ATP2B2: variants seen among roughly 807,000 people sequenced by gnomAD.
The protein encoded by ATP2B2 is plasma membrane calcium-transporting ATPase 2.
In ATP2B2, 15 loss-of-function variants were observed where a neutral mutation model predicts 120.0. The observed-to-expected ratio is 0.12, with a 90% confidence interval of 0.08 to 0.19. ATP2B2 has a LOEUF of 0.19. Among genes scored for constraint, ATP2B2 ranks in the 10% least tolerant of loss-of-function variants. The pLI, the probability that ATP2B2 is intolerant of heterozygous loss-of-function variation, is 1.00. For missense variants in ATP2B2, 1,045 were observed against 1,719.8 expected, an observed-to-expected ratio of 0.61 and a Z score of 6.94; for synonymous variants, 694 against 700.3, an observed-to-expected ratio of 0.99 and a Z score of 0.14.
upstream of ATP2B2, among the ~76,000 whole-genome samples, chr3:10,506,463 C>G (rs1293118656): frequency 1.3e-5 from 2 of 152,206 alleles, no homozygotes; most frequent in Non-Finnish European, 2.9e-5. Flanking sequence ...GGTGAGGAGT[C>G]GGTAGGGTTG....
chr3:10,590,397 G>A (rs1011777423), intron 2 of ATP2B2, among the ~76,000 whole-genome samples: 2 of 152,158 alleles, frequency 1.3e-5, no homozygotes, highest in African/African-American at 4.8e-5. Flanking sequence ...TACGCTAAAA[G>A]TATGTTTTAC....
chr3:10,681,085 T>C (rs1296228820), intron 1 of ATP2B2, among the ~76,000 whole-genome samples: 1 of 152,200 alleles, frequency 6.6e-6, no homozygotes, highest in Admixed American at 6.5e-5. Flanking sequence ...CTTTCCGCCA[T>C]GATCGTCAGC....
chr3:10,497,380 C>G (rs2066195327), intron 1 of ATP2B2, among the ~76,000 whole-genome samples: 1 of 152,220 alleles, frequency 6.6e-6, no homozygotes, highest in East Asian at 1.9e-4. Flanking sequence ...AACCAGCATG[C>G]CTCTTGGCCC....
Position 10,328,631 on chromosome 3 carries a change from C to G in ATP2B2, c.*183G>C. On this transcript the variant is annotated 3_prime_UTR_variant, in exon 23 of 23. Coordinates refer to ENST00000360273, the MANE Select transcript of ATP2B2 (RefSeq NM_001001331.4). ...CCTTGCCTTGAAGTGAAAAAGAGTT[C>G]AAACAGCATCGCAGCCAGAGAAAGG... The G allele has an allele frequency of 3.0e-6, 2 of 665,598 alleles. No individual in the cohort carries two copies. Among genetic ancestry groups the G allele is most frequent in the Non-Finnish European group, 5.0e-6 (2 of 400,050 alleles). The allele number at this position is 665,598 out of a possible 1,614,324, so 41.2% of individuals were successfully genotyped here. A position where few individuals can be genotyped will look rare whatever the true frequency, so the allele number is the denominator to read the frequency against.
At chr3:10,545,726 C>T (rs372426254) in intron 2 of ATP2B2, among the ~76,000 whole-genome samples, 10 of 152,084 alleles carry the variant, frequency 6.6e-5, no homozygotes, top group South Asian at 2.1e-4. Flanking sequence ...TTATTGTTAG[C>T]GGTGGTTTTT....
chr3:10,621,038 C>T (rs1162607997), intron 1 of ATP2B2, among the ~76,000 whole-genome samples: 2 of 152,164 alleles, frequency 1.3e-5, no homozygotes, highest in Admixed American at 6.5e-5. Flanking sequence ...GAGATGACAC[C>T]GGGCACTTGG....
chr3:10,496,162 A>G (rs1007502241), intron 1 of ATP2B2, among the ~76,000 whole-genome samples: 3 of 152,204 alleles, frequency 2.0e-5, no homozygotes, highest in East Asian at 1.9e-4. Flanking sequence ...GAAGTGGCCT[A>G]AAGAGCTCTT....
At chr3:10,582,727 A>G (rs979236660) in intron 2 of ATP2B2, among the ~76,000 whole-genome samples, 3 of 152,158 alleles carry the variant, frequency 2.0e-5, no homozygotes, top group African/African-American at 7.2e-5. Context: ...GAGGGGGCTG[A>G]GCCTGGTGAT....
intron 14 of ATP2B2, among the ~76,000 whole-genome samples, chr3:10,353,894 C>A (rs1307854629): frequency 6.6e-6 from 1 of 152,200 alleles, no homozygotes; most frequent in African/African-American, 2.4e-5. Flanking sequence ...AGTATCCACC[C>A]TTCAGCAAGG....
intron 1 of ATP2B2, chr3:10,626,900 A>T (rs2069718290): frequency 6.8e-6 from 1 of 147,784 alleles, no homozygotes; most frequent in Admixed American, 6.7e-5. Flanking sequence ...ACACACACAC[A>T]CACACACACA....
rs375034217 is a variant in ATP2B2, at chr3:10,410,628, C to G, written c.387G>C (p.Glu129Asp). ...TGAGGCCCATCTTACCTTCGTTGCC[C>G]TCGCCGGGCGGGTGGTAGAAGGACA... ...LGLSFYHPPG[E>D]GNEGCATAQG... Residue 129 changes from glutamate to aspartate, a missense_variant, in exon 3 of 23, where the codon GAG becomes GAC. Glu to Asp is a conservative substitution (Grantham distance 45, BLOSUM62 2). Around this residue, in one of 11 missense-constraint regions of ATP2B2, gnomAD observed 35 missense variants for 37.2 expected, o/e 0.94. Transcript: ENST00000360273. The G allele has an allele frequency of 1.2e-6, 2 of 1,606,258 alleles. No individual in the cohort carries two copies. The highest frequency in any genetic ancestry group is 1.7e-6 in the Non-Finnish European group (2 of 1,174,382).
intron 11 of ATP2B2, among the ~76,000 whole-genome samples, chr3:10,374,222 C>G (rs1334260884): frequency 1.3e-5 from 2 of 152,150 alleles, no homozygotes; most frequent in African/African-American, 4.8e-5. Flanking sequence ...CTGTGGAGGC[C>G]CCCTACTCGT....
Position 10,338,323 on chromosome 3 carries a change from G to A in ATP2B2, c.3273C>T (p.Phe1091=), listed in dbSNP as rs749508569. Residue 1091 remains phenylalanine (F), a synonymous_variant, in exon 22 of 23, where the codon TTC becomes TTT. Coordinates refer to ENST00000360273, the MANE Select transcript of ATP2B2 (RefSeq NM_001001331.4). ...IATIPTSRLK[F]LKEAGRLTQK... ...GTGTGAGCCTGCCTGCCTCCTTGAG[G>A]AACTTGAGTCTGCTGGTCGGGATGG... 3.1e-6 allele frequency: 5 copies of A among 1,614,156 alleles called. No homozygotes were observed. The East Asian group carries it at 6.7e-5, about 22-fold the overall frequency.
chr3:10,666,324 A>G (rs963578035), intron 1 of ATP2B2, among the ~76,000 whole-genome samples: 2 of 152,170 alleles, frequency 1.3e-5, no homozygotes, highest in Admixed American at 1.3e-4. Context: ...TAAAAGCATA[A>G]CCACCCCTGG....
intron 2 of ATP2B2, among the ~76,000 whole-genome samples, chr3:10,593,720 T>C (rs1051000140): frequency 1.3e-5 from 2 of 152,216 alleles, no homozygotes; most frequent in African/African-American, 2.4e-5. Flanking sequence ...AAATGGGATC[T>C]AATTAAACTA....
chr3:10,622,120 G>T (rs1192635551), intron 1 of ATP2B2, among the ~76,000 whole-genome samples: 1 of 151,952 alleles, frequency 6.6e-6, no homozygotes, highest in African/African-American at 2.4e-5. Flanking sequence ...CCGTGCTCCA[G>T]GGGCCCCCCT....
At chr3:10,417,769 G>A (rs1446852760) in intron 2 of ATP2B2, among the ~76,000 whole-genome samples, 2 of 152,192 alleles carry the variant, frequency 1.3e-5, no homozygotes, top group Non-Finnish European at 2.9e-5. Context: ...GTAATTGGGT[G>A]AGCTTGGAAG....
intron 2 of ATP2B2, among the ~76,000 whole-genome samples, chr3:10,597,138 G>A (rs1199688318): frequency 6.9e-6 from 1 of 145,538 alleles, no homozygotes; most frequent in Non-Finnish European, 1.5e-5. Context: ...CAGGCAAACA[G>A]GTACACACAG....
intron 2 of ATP2B2, among the ~76,000 whole-genome samples, chr3:10,550,963 TAC>T (rs542763274): frequency 2.3e-4 from 35 of 152,196 alleles, no homozygotes; most frequent in African/African-American, 8.4e-4. Context: ...GGCTGAATGG[TAC>T]AGTCTGGTTT....
Sources: allele counts gnomAD v4.1 joint callset (sites outside exome capture counted in the v4.1 genomes callset), GRCh38; gene constraint gnomAD v4.1.1; regional missense constraint gnomAD v4.1.1; transcripts MANE v1.5; gene names NCBI Gene and HGNC (gene_info 2026-07-23, HGNC 2026-07-21).